Variants in CRADD observed in about 807,000 individuals in gnomAD.
CRADD encodes the protein death domain-containing protein CRADD.
In CRADD, 9 loss-of-function variants were observed where a neutral mutation model predicts 15.5. The ratio of observed to expected loss-of-function variants is 0.58; its 90% confidence interval spans 0.35 to 1.01. The LOEUF (loss-of-function observed/expected upper bound fraction) is 1.01. CRADD is among the 50% of genes least tolerant of loss of function. The pLI is 0.02. For missense variants in CRADD, 227 were observed against 250.3 expected (o/e 0.91, Z 0.63); for synonymous variants, 118 against 107.6 (o/e 1.10, Z -0.60).
rs1038885097 is a variant in CRADD at position 93,824,968 on chromosome 12, A to G, written c.299-25002A>G. 4.6e-5 allele frequency among the ~76,000 whole-genome samples: 7 copies of G among 152,220 alleles called. No individual in the cohort carries two copies. The highest frequency in any genetic ancestry group is 8.8e-5 in the Non-Finnish European group (6 of 68,044). ...TTCACAAGTATATATTCATTAATAC[A>G]TGGGGCTTGTTCCAAATCGATCATG... On this transcript the variant is annotated intron_variant, in intron 2 of 2. Transcript: ENST00000332896. This position sits in a 1 kb window ranked among gnomAD's most constrained non-coding sequence, Gnocchi z 4.3.
intron 2 of CRADD, among the ~76,000 whole-genome samples, chr12:93,685,784 G>A (rs1469215846): frequency 6.6e-6 from 1 of 152,170 alleles, no homozygotes; most frequent in African/African-American, 2.4e-5. Context: ...CTGAGGTCAG[G>A]AGTTTGAGAC....
chr12:93,884,240 A>G (rs1361286602), intron 2 of CRADD, among the ~76,000 whole-genome samples: 1 of 152,234 alleles, frequency 6.6e-6, no homozygotes. Flanking sequence ...AATAACCTCC[A>G]TTACAAGTTT....
intron 2 of CRADD, among the ~76,000 whole-genome samples, chr12:93,700,449 G>A (rs1397600172): frequency 6.6e-6 from 1 of 150,382 alleles, no homozygotes; most frequent in Non-Finnish European, 1.5e-5. Flanking sequence ...TTTTTCTTTT[G>A]AGATGGAGTC....
intron 2 of CRADD, among the ~76,000 whole-genome samples, chr12:93,713,823 T>C (rs770627172): frequency 1.3e-5 from 2 of 152,200 alleles, no homozygotes. Context: ...ATTTTTGATA[T>C]ATTGGGTTAC....
intron 2 of CRADD, among the ~76,000 whole-genome samples, chr12:93,829,564 G>A (rs1383797696): frequency 6.6e-6 from 1 of 152,118 alleles, no homozygotes; most frequent in Non-Finnish European, 1.5e-5. Context: ...AACTGGACAG[G>A]CCAAATGAAA....
intron 2 of CRADD, among the ~76,000 whole-genome samples, chr12:93,749,997 C>G (rs541873297): frequency 6.6e-6 from 1 of 152,308 alleles, no homozygotes; most frequent in Admixed American, 6.5e-5. Flanking sequence ...GGGGCAAGAT[C>G]TCCTGGGCTT....
intron 2 of CRADD, 92 bp from the exon 3 acceptor site, chr12:93,849,878 T>C (rs1338313395): frequency 1.3e-6 from 1 of 789,284 alleles, no homozygotes; most frequent in Non-Finnish European, 2.2e-6. Context: ...TTTGGAAGCA[T>C]TGCCTTCTTC....
intron 2 of CRADD, among the ~76,000 whole-genome samples, chr12:93,717,721 A>C (rs183942495): frequency 1.6e-3 from 244 of 152,182 alleles, no homozygotes; most frequent in African/African-American, 5.0e-3. Flanking sequence ...GGATTTCACC[A>C]TGTTGGCCAG....
intron 2 of CRADD, among the ~76,000 whole-genome samples, chr12:93,688,021 T>C (rs1199794298): frequency 6.6e-6 from 1 of 152,226 alleles, no homozygotes; most frequent in African/African-American, 2.4e-5. Context: ...GATCAGGTTA[T>C]GTCCAAATGG....
intron 2 of CRADD, among the ~76,000 whole-genome samples, chr12:93,791,909 T>G (rs1426035735): frequency 6.6e-6 from 1 of 151,734 alleles, no homozygotes; most frequent in Non-Finnish European, 1.5e-5. Flanking sequence ...TTTTTTTTTT[T>G]TTTTTTAGTC....
At chr12:93,695,978 G>T (rs1053760261) in intron 2 of CRADD, among the ~76,000 whole-genome samples, 11 of 152,116 alleles carry the variant, frequency 7.2e-5, no homozygotes, top group African/African-American at 2.7e-4. Context: ...ACAGGTATAT[G>T]AAAAAATGAT....
chr12:93,817,592 C>T (rs369346259), intron 2 of CRADD, among the ~76,000 whole-genome samples: 3 of 152,190 alleles, frequency 2.0e-5, no homozygotes, highest in South Asian at 4.2e-4. Flanking sequence ...TCCTTCTTTT[C>T]CTCTTCTTCA....
chr12:93,697,907 A>G (rs996499099), intron 2 of CRADD, among the ~76,000 whole-genome samples: 9 of 152,202 alleles, frequency 5.9e-5, no homozygotes, highest in Non-Finnish European at 1.3e-4. Context: ...TGGAAAAAGA[A>G]TATGAGCTCT....
downstream of CRADD, among the ~76,000 whole-genome samples, chr12:93,854,843 T>G (rs1958258560): frequency 6.6e-6 from 1 of 152,244 alleles, no homozygotes; most frequent in South Asian, 2.1e-4. Flanking sequence ...CTTAAAGTAT[T>G]AATAACATAT....
intron 2 of CRADD, among the ~76,000 whole-genome samples, chr12:93,865,008 G>T (rs994769457): frequency 6.6e-6 from 1 of 152,172 alleles, no homozygotes; most frequent in Non-Finnish European, 1.5e-5. Context: ...TGAATGAGGG[G>T]TGCCTGGCTT....
chr12:93,853,601 G>A (rs145752460), downstream of CRADD, among the ~76,000 whole-genome samples: 68 of 152,254 alleles, frequency 4.5e-4, no homozygotes, highest in East Asian at 0.01. Flanking sequence ...TCCCCTCTAT[G>A]CACTCTTATA....
chr12:93,888,803 A>G (rs1958556401), intron 2 of CRADD, among the ~76,000 whole-genome samples: 1 of 152,208 alleles, frequency 6.6e-6, no homozygotes, highest in Non-Finnish European at 1.5e-5. Context: ...TGAACCAACC[A>G]CATCTTGAGA....
intron 2 of CRADD, among the ~76,000 whole-genome samples, chr12:93,871,709 C>T (rs1187150992): frequency 6.6e-6 from 1 of 152,190 alleles, no homozygotes. Context: ...ATAATGATAT[C>T]TGGTTCCATC....
exon 3 of CRADD, chr12:93,894,053 T>C (rs950617725): frequency 5.7e-6 from 4 of 702,578 alleles, no homozygotes; most frequent in Non-Finnish European, 7.8e-6. Flanking sequence ...ATTTTAGAGA[T>C]GAGGAAACTG....
Sources: gnomAD v4.1 joint callset for allele counts (sites outside exome capture counted in the v4.1 genomes callset) on GRCh38, gnomAD v4.1.1 for gene constraint, Gnocchi (gnomAD v3.1) non-coding constraint, MANE v1.5 for transcripts, NCBI Gene and HGNC (gene_info 2026-07-23, HGNC 2026-07-21) for gene names.